The following PDE8B variants were observed in gnomAD, a reference collection of about 807,000 sequenced individuals.
The protein encoded by PDE8B is phosphodiesterase 8B, also known as high affinity cAMP-specific and IBMX-insensitive 3',5'-cyclic phosphodiesterase 8B.
PDE8B carries 26 observed loss-of-function variants against 101.3 expected under a neutral mutation model. The observed-to-expected ratio is 0.26, with a 90% CI of 0.19 to 0.36. The LOEUF (loss-of-function observed/expected upper bound fraction) is 0.36, where lower values mean the gene tolerates loss of function less well. PDE8B is among the 10% of genes least tolerant of loss of function. The probability of loss-of-function intolerance (pLI) is 1.00; values close to 1 mark genes in which losing one functional copy is unlikely to be tolerated. For synonymous variants in PDE8B, 424 were observed against 429.3 expected (o/e 0.99, Z 0.15); for missense variants, 810 against 1,163.1 (o/e 0.70, Z 4.42).
At chr5:77,180,820 G>C in the PDE8B span, among the ~76,000 whole-genome samples, 5 of 152,286 alleles carry the variant, frequency 3.3e-5, no homozygotes, top group Middle Eastern at 3.4e-3. Context: ...CCGGCTCCTC[G>C]GGCTGCTGTT....
chr5:77,172,153 T>C, the PDE8B span, among the ~76,000 whole-genome samples: 1 of 152,178 alleles, frequency 6.6e-6, no homozygotes, highest in Non-Finnish European at 1.5e-5. Flanking sequence ...AAGAAGCCTC[T>C]GACTGGGAAA....
chr5:77,092,403 A>G, the PDE8B span: 1 of 152,090 alleles, frequency 6.6e-6, no homozygotes, highest in East Asian at 1.9e-4. Context: ...AAAAAAAACA[A>G]CCTTCAGTTC....
At chr5:77,092,762 A>AT in the PDE8B span, among the ~76,000 whole-genome samples, 2 of 152,018 alleles carry the variant, frequency 1.3e-5, no homozygotes, top group African/African-American at 2.4e-5. Flanking sequence ...TAAAAAAAAA[A>AT]TACAAAAATC....
intron 1 of PDE8B, among the ~76,000 whole-genome samples, chr5:77,277,564 C>A (rs1032052811): frequency 2.6e-5 from 4 of 152,184 alleles, no homozygotes; most frequent in Non-Finnish European, 4.4e-5. Flanking sequence ...TGCTTCACAT[C>A]AAAAATGTAG....
the PDE8B span, among the ~76,000 whole-genome samples, chr5:77,162,978 A>C: frequency 2.6e-5 from 4 of 152,242 alleles, no homozygotes; most frequent in Admixed American, 2.0e-4. Context: ...AGGACTAAAC[A>C]TACTTGACTT....
At chr5:77,348,340 C>G (rs1434344211) in intron 7 of PDE8B, among the ~76,000 whole-genome samples, 1 of 152,174 alleles carries the variant, frequency 6.6e-6, no homozygotes, top group African/African-American at 2.4e-5. Context: ...CATCTGTGAT[C>G]TTTGAAAAGA....
the PDE8B span, among the ~76,000 whole-genome samples, chr5:77,133,800 G>T: frequency 1.3e-5 from 2 of 152,198 alleles, no homozygotes; most frequent in African/African-American, 4.8e-5. Context: ...AACCAGCCAG[G>T]TTTCAAGGAA....
At chr5:77,181,016 CAG>C in the PDE8B span, among the ~76,000 whole-genome samples, 1 of 150,420 alleles carries the variant, frequency 6.6e-6, no homozygotes, top group Admixed American at 6.6e-5. Flanking sequence ...GCGCGCACCT[CAG>C]TGCCTAGCTC....
At chr5:77,301,529 GAT>G (rs1305782664) in intron 1 of PDE8B, among the ~76,000 whole-genome samples, 1 of 152,212 alleles carries the variant, frequency 6.6e-6, no homozygotes, top group African/African-American at 2.4e-5. Context: ...CCACAGTCTG[GAT>G]AATTGCCTCC....
the PDE8B span, among the ~76,000 whole-genome samples, chr5:77,168,650 G>C: frequency 6.6e-6 from 1 of 152,230 alleles, no homozygotes; most frequent in Non-Finnish European, 1.5e-5. Context: ...GGAAGAGAAT[G>C]GCATGTGTGT....
At chr5:77,303,231 A>G (rs1423306230) in intron 1 of PDE8B, among the ~76,000 whole-genome samples, 4 of 152,120 alleles carry the variant, frequency 2.6e-5, no homozygotes, top group Admixed American at 6.5e-5. Context: ...TGTACTCACT[A>G]TTTACTGCTT....
At chr5:77,171,027 C>T in the PDE8B span, among the ~76,000 whole-genome samples, 6 of 152,056 alleles carry the variant, frequency 3.9e-5, no homozygotes, top group African/African-American at 1.2e-4. Flanking sequence ...AATTCTAACA[C>T]GAATCAGGAG....
intron 1 of PDE8B, among the ~76,000 whole-genome samples, chr5:77,213,153 A>G (rs767062139): frequency 6.6e-6 from 1 of 152,256 alleles, no homozygotes; most frequent in Non-Finnish European, 1.5e-5. Context: ...AGCAGCTTGT[A>G]TAAACTTGTA....
rs527872613 is a variant in PDE8B, at chr5:77,281,809, T to C, written c.340-30185T>C. ...ATTATTCAGCCTACCACGACAATGCTTGGGAATTTGTGTCATTATCACTTC... is the reference window on the plus strand; with the variant it reads ...ATTATTCAGCCTACCACGACAATGCCTGGGAATTTGTGTCATTATCACTTC... On this transcript the variant is annotated intron_variant, in intron 1 of 21. Transcript: ENST00000264917. Among the ~76,000 whole-genome samples, 6 of 152,322 alleles carry C rather than the reference T, an allele frequency of 3.9e-5. No homozygotes were observed. In the East Asian group the frequency reaches 1.2e-3, roughly 29 times the overall value.
chr5:77,094,451 C>T, the PDE8B span, among the ~76,000 whole-genome samples: 2 of 152,180 alleles, frequency 1.3e-5, no homozygotes, highest in South Asian at 4.2e-4. Flanking sequence ...CAGAGACAGG[C>T]AGGCACCACC....
At chr5:77,409,132 T>C in intron 14 of PDE8B, 75 bp downstream of exon 14, 1 of 1,268,900 alleles carries the variant, frequency 7.9e-7, no homozygotes, top group Non-Finnish European at 1.1e-6. Context: ...GTGGAAACTG[T>C]TACCTGTGGT....
the PDE8B span, among the ~76,000 whole-genome samples, chr5:77,095,281 A>G: frequency 6.6e-6 from 1 of 152,126 alleles, no homozygotes; most frequent in Non-Finnish European, 1.5e-5. Flanking sequence ...GAGCATCCCC[A>G]AAAATTGTTG....
At chr5:77,259,088 C>A in intron 1 of PDE8B, among the ~76,000 whole-genome samples, 1 of 72,202 alleles carries the variant, frequency 1.4e-5, no homozygotes, top group South Asian at 6.4e-4. Context: ...CCCCCCCACA[C>A]ACACACACGA....
chr5:77,359,795 CT>C (rs1782760043), intron 10 of PDE8B, among the ~76,000 whole-genome samples: 1 of 152,058 alleles, frequency 6.6e-6, no homozygotes, highest in Non-Finnish European at 1.5e-5. Context: ...AATAATTTGA[CT>C]TAAGAAAAGT....
Sources: gnomAD v4.1 joint callset for allele counts (sites outside exome capture counted in the v4.1 genomes callset) on GRCh38, gnomAD v4.1.1 for gene constraint, MANE v1.5 for transcripts, NCBI Gene and HGNC (gene_info 2026-07-23, HGNC 2026-07-21) for gene names.